NIBAN1: variants seen among roughly 807,000 people sequenced by gnomAD.
NIBAN1 encodes the protein niban apoptosis regulator 1, also known as protein Niban 1.
In NIBAN1, 81 loss-of-function variants were observed where a neutral mutation model predicts 75.1. The observed-to-expected ratio is 1.08, with a 90% CI of 0.90 to 1.30. The LOEUF is 1.30. Among genes scored for constraint, NIBAN1 ranks in the 50% most tolerant of loss-of-function variants. The pLI, the probability that NIBAN1 is intolerant of heterozygous loss-of-function variation, is 0.00. For missense variants in NIBAN1, 1,133 were observed against 1,128.1 expected (o/e 1.00, Z -0.06); for synonymous variants, 436 against 424.8 (o/e 1.03, Z -0.32).
chr1:184,840,453 T>C (rs1013858426), intron 5 of NIBAN1, among the ~76,000 whole-genome samples: 1 of 152,014 alleles, frequency 6.6e-6, no homozygotes, highest in Admixed American at 6.6e-5. Context: ...AGTATAAAAA[T>C]ATAAGAACTC....
intron 1 of NIBAN1, among the ~76,000 whole-genome samples, chr1:184,906,561 C>T (rs745415657): frequency 2.6e-4 from 39 of 151,946 alleles, no homozygotes; most frequent in Admixed American, 4.6e-4. Context: ...ATCAGGGAGG[C>T]GGAGGTTGCG....
chr1:184,934,825 G>A (rs1289721572), intron 1 of NIBAN1, among the ~76,000 whole-genome samples: 1 of 151,670 alleles, frequency 6.6e-6, no homozygotes, highest in African/African-American at 2.4e-5. Context: ...AATCTGGGAG[G>A]CAGCGGTTGC....
In NIBAN1 at chr1:184,793,335, C is replaced by T. The variant is rs7520163; in HGVS notation, c.*1642G>A. 12,967 of 152,068 alleles carry T rather than the reference C, an allele frequency of 0.085. 1,778 individuals carry two copies. The highest frequency in any genetic ancestry group is 0.29 in the African/African-American group (12,143 of 41,412). 9.4% of individuals were successfully genotyped at this position (152,068 alleles called of 1,614,324 possible). ...CTTTGGGAAGTCGAGGTGGGTGGATCGCTTGAAATCAGGAGTTTGAGACCA... is the reference window on the plus strand; with the variant it reads ...CTTTGGGAAGTCGAGGTGGGTGGATTGCTTGAAATCAGGAGTTTGAGACCA... On this transcript the variant is annotated 3_prime_UTR_variant, in exon 14 of 14. Transcript: ENST00000367511.
At chr1:184,960,612 A>C (rs1005615709) in intron 1 of NIBAN1, among the ~76,000 whole-genome samples, 50 of 131,514 alleles carry the variant, frequency 3.8e-4, no homozygotes, top group African/African-American at 1.5e-3. Context: ...AACACCAACA[A>C]CAACAACAAA....
At chr1:184,974,050 C>A (rs1015997749) in intron 1 of NIBAN1, among the ~76,000 whole-genome samples, 3 of 152,170 alleles carry the variant, frequency 2.0e-5, no homozygotes, top group African/African-American at 7.2e-5. Flanking sequence ...GCGGGAGCGG[C>A]GAAGGCGCCG....
intron 5 of NIBAN1, among the ~76,000 whole-genome samples, chr1:184,869,530 T>C (rs1453418583): frequency 6.6e-6 from 1 of 151,886 alleles, no homozygotes; most frequent in Non-Finnish European, 1.5e-5. Flanking sequence ...ATTCACTACT[T>C]TTATTTGCAT....
intron 6 of NIBAN1, among the ~76,000 whole-genome samples, chr1:184,826,794 A>T (rs1370348392): frequency 6.6e-6 from 1 of 152,156 alleles, no homozygotes; most frequent in Non-Finnish European, 1.5e-5. Context: ...TCTATGTTAC[A>T]ACTTAGGGAA....
At chr1:184,966,479 G>A (rs1658787423) in intron 1 of NIBAN1, among the ~76,000 whole-genome samples, 1 of 152,184 alleles carries the variant, frequency 6.6e-6, no homozygotes, top group Admixed American at 6.5e-5. Context: ...GAACCACCCA[G>A]CCTGGACCCA....
chr1:184,915,116 G>C (rs1345218779), intron 1 of NIBAN1, among the ~76,000 whole-genome samples: 1 of 152,134 alleles, frequency 6.6e-6, no homozygotes, highest in Admixed American at 6.5e-5. Flanking sequence ...TCTTAAAATA[G>C]GGATAAAAAT....
intron 5 of NIBAN1, among the ~76,000 whole-genome samples, chr1:184,881,869 T>C (rs1656388402): frequency 6.6e-6 from 1 of 152,190 alleles, no homozygotes; most frequent in Admixed American, 6.5e-5. Context: ...GCAACCTGTT[T>C]TATTAACAAG....
At chr1:184,868,512 T>C (rs935869929) in intron 5 of NIBAN1, 4 of 152,256 alleles carry the variant, frequency 2.6e-5, no homozygotes, top group Non-Finnish European at 1.5e-5. Flanking sequence ...ATTTATAGAG[T>C]ACACAGTTTA....
chr1:184,959,877 A>G (rs1372840546), intron 1 of NIBAN1, among the ~76,000 whole-genome samples: 1 of 152,208 alleles, frequency 6.6e-6, no homozygotes, highest in Non-Finnish European at 1.5e-5. Flanking sequence ...GGCCCTATAA[A>G]TCAGAGACAC....
intron 1 of NIBAN1, among the ~76,000 whole-genome samples, chr1:184,937,130 GTTAATAGCTGGATTCTTT>G (rs1657982488): frequency 1.5e-5 from 2 of 136,526 alleles, no homozygotes; most frequent in African/African-American, 2.6e-5. Flanking sequence ...GCTGACTTCT[GTTAATAGCTGGATTCTTT>G]TTTTTTTTTT....
At chr1:184,825,585 T>C (rs1400062188) in intron 6 of NIBAN1, among the ~76,000 whole-genome samples, 1 of 152,236 alleles carries the variant, frequency 6.6e-6, no homozygotes, top group Admixed American at 6.5e-5. Flanking sequence ...CAAGTGTTTT[T>C]AAAAAATGTG....
chr1:184,952,273 A>G (rs1336952978), intron 1 of NIBAN1, among the ~76,000 whole-genome samples: 1 of 152,196 alleles, frequency 6.6e-6, no homozygotes. Flanking sequence ...GTGTGGTGGC[A>G]CATGCCTACA....
intron 1 of NIBAN1, among the ~76,000 whole-genome samples, chr1:184,913,291 T>C (rs1210125291): frequency 1.3e-5 from 2 of 152,024 alleles, no homozygotes; most frequent in Non-Finnish European, 2.9e-5. Flanking sequence ...ATAGGAATTA[T>C]ACCGTTTGCA....
At chr1:184,972,321 T>C (rs896738084) in intron 1 of NIBAN1, among the ~76,000 whole-genome samples, 2 of 152,192 alleles carry the variant, frequency 1.3e-5, no homozygotes, top group Non-Finnish European at 2.9e-5. Context: ...GGCTAAAAAA[T>C]GGGCAAAGAG....
intron 1 of NIBAN1, among the ~76,000 whole-genome samples, chr1:184,958,941 T>C (rs554195087): frequency 1.3e-5 from 2 of 152,342 alleles, no homozygotes; most frequent in Admixed American, 1.3e-4. Flanking sequence ...CTTAGGCAAT[T>C]TTTCCTGTAT....
rs188883407 is a variant in NIBAN1 at position 184,842,900 on chromosome 1, T to A, written c.602-10938A>T. On this transcript the variant is annotated intron_variant, in intron 5 of 13. Coordinates refer to ENST00000367511, the MANE Select transcript of NIBAN1 (RefSeq NM_052966.4). ...GTTGCAGTTGATTTACACATCACGTTTGAGAAAAAAAAAATGACACAAAAG... is the reference window on the plus strand; with the variant it reads ...GTTGCAGTTGATTTACACATCACGTATGAGAAAAAAAAAATGACACAAAAG... Among the ~76,000 whole-genome samples, 772 of 141,178 alleles carry A rather than the reference T, an allele frequency of 5.5e-3. 8 individuals carry two copies. The highest frequency in any genetic ancestry group is 0.01 in the Middle Eastern group (3 of 294). 92.6% of individuals were successfully genotyped at this position (141,178 alleles called of 152,430 possible). A position where few individuals can be genotyped will look rare whatever the true frequency, so the allele number is the denominator to read the frequency against.
Sources: allele counts gnomAD v4.1 joint callset (sites outside exome capture counted in the v4.1 genomes callset), GRCh38; gene constraint gnomAD v4.1.1; transcripts MANE v1.5; gene names NCBI Gene and HGNC (gene_info 2026-07-23, HGNC 2026-07-21).